The following NRXN1 variants were observed in gnomAD, a reference collection of about 807,000 sequenced individuals.
The protein encoded by NRXN1 is neurexin-1.
NRXN1 carries 39 observed loss-of-function variants against 150.9 expected under a neutral mutation model. The observed-to-expected ratio is 0.26, with a 90% CI of 0.20 to 0.34. The LOEUF is 0.34. NRXN1 is among the 10% of genes least tolerant of loss of function. NRXN1 has a pLI of 1.00. For missense variants in NRXN1, 1,815 were observed against 1,949.9 expected (o/e 0.93, Z 1.30); for synonymous variants, 924 against 757.0 (o/e 1.22, Z -3.62).
chr2:50,603,504 T>G (rs572401998), intron 8 of NRXN1, among the ~76,000 whole-genome samples: 213 of 152,286 alleles, frequency 1.4e-3, no homozygotes, highest in Admixed American at 2.6e-3. Flanking sequence ...CAACACACTT[T>G]TTTCTTAAAT....
At chr2:50,588,945 T>C (rs1673636792) in intron 8 of NRXN1, 1 of 152,140 alleles carries the variant, frequency 6.6e-6, no homozygotes, top group Non-Finnish European at 1.5e-5. Context: ...AGGAAACCAA[T>C]TGATTTCATA....
intron 8 of NRXN1, among the ~76,000 whole-genome samples, chr2:50,559,974 C>CA (rs749457858): frequency 1.2e-4 from 19 of 152,076 alleles, no homozygotes; most frequent in Non-Finnish European, 2.2e-4. Context: ...CTGTAGCCTC[C>CA]AAAAATTAGT....
chr2:50,762,411 G>T (rs1701902556), intron 5 of NRXN1, among the ~76,000 whole-genome samples: 1 of 151,772 alleles, frequency 6.6e-6, no homozygotes, highest in Admixed American at 6.6e-5. Flanking sequence ...TGATGCTGAG[G>T]TTTAGGGTAT....
chr2:50,414,203 C>T (rs2104136704), intron 17 of NRXN1, among the ~76,000 whole-genome samples: 1 of 152,108 alleles, frequency 6.6e-6, no homozygotes, highest in South Asian at 2.1e-4. Context: ...AAGAGTGTAA[C>T]TGGATTGTTT....
intron 18 of NRXN1, among the ~76,000 whole-genome samples, chr2:50,126,610 C>T (rs557078494): frequency 3.3e-5 from 5 of 152,148 alleles, no homozygotes; most frequent in African/African-American, 7.2e-5. Flanking sequence ...TCTAAGCCTA[C>T]GTCAGAAAAT....
chr2:50,606,585 A>G (rs1476267599), intron 8 of NRXN1, among the ~76,000 whole-genome samples: 2 of 146,818 alleles, frequency 1.4e-5, no homozygotes, highest in Non-Finnish European at 3.0e-5. Context: ...AAGTGGGTAG[A>G]TCCTATGTGA....
chr2:50,697,956 C>A (rs1177943010), intron 5 of NRXN1, among the ~76,000 whole-genome samples: 2 of 152,158 alleles, frequency 1.3e-5, no homozygotes, highest in Non-Finnish European at 2.9e-5. Context: ...TGCCTTGAGC[C>A]AATTTCGTTA....
intron 21 of NRXN1, among the ~76,000 whole-genome samples, chr2:49,953,455 T>A (rs1674338627): frequency 6.6e-6 from 1 of 152,132 alleles, no homozygotes; most frequent in Admixed American, 6.6e-5. Flanking sequence ...ACTTGACTAC[T>A]TCATTCCTTC....
intron 17 of NRXN1, among the ~76,000 whole-genome samples, chr2:50,265,017 T>A (rs758221497): frequency 4.5e-4 from 69 of 152,244 alleles, no homozygotes; most frequent in Non-Finnish European, 7.5e-4. Flanking sequence ...ATTAATTACA[T>A]GTAGAAAGGT....
At chr2:50,526,512 T>C (rs1026447522) in intron 12 of NRXN1, among the ~76,000 whole-genome samples, 3 of 152,150 alleles carry the variant, frequency 2.0e-5, no homozygotes, top group Admixed American at 6.6e-5. Context: ...TTAATTTAGT[T>C]TTTATTGAGT....
At chr2:50,538,679 C>G in intron 9 of NRXN1, 43 bp from the exon 10 acceptor site, 1 of 1,397,374 alleles carries the variant, frequency 7.2e-7, no homozygotes, top group Admixed American at 2.6e-5. Context: ...TAAAAAGCAC[C>G]AACGTGTTAT....
At chr2:50,944,560 T>C (rs1690015444) in intron 2 of NRXN1, among the ~76,000 whole-genome samples, 1 of 152,188 alleles carries the variant, frequency 6.6e-6, no homozygotes, top group African/African-American at 2.4e-5. Flanking sequence ...AAAAATAACT[T>C]AAATGAAACC....
intron 8 of NRXN1, among the ~76,000 whole-genome samples, chr2:50,614,636 T>TAAAAA (rs374009480): frequency 1.6e-5 from 2 of 122,392 alleles, no homozygotes; most frequent in Admixed American, 9.3e-5. Flanking sequence ...TAAAGTATAA[T>TAAAAA]AAAAATATAT....
chr2:49,959,308 T>C (rs1675505399), intron 21 of NRXN1, among the ~76,000 whole-genome samples: 1 of 152,186 alleles, frequency 6.6e-6, no homozygotes, highest in African/African-American at 2.4e-5. Context: ...CATTGACTGC[T>C]TTGCTACCTG....
At chr2:50,884,316 T>C (rs1335966660) in intron 5 of NRXN1, among the ~76,000 whole-genome samples, 1 of 151,776 alleles carries the variant, frequency 6.6e-6, no homozygotes, top group Admixed American at 6.6e-5. Context: ...CTACTTATCT[T>C]GTCAATTTAG....
chr2:50,010,865 CTAATTA>C (rs1685541625), intron 21 of NRXN1, among the ~76,000 whole-genome samples: 1 of 152,070 alleles, frequency 6.6e-6, no homozygotes, highest in South Asian at 2.1e-4. Flanking sequence ...GTTATCAATG[CTAATTA>C]TAAAGTTTTT....
chr2:50,899,059 G>T (rs541785432), intron 5 of NRXN1, among the ~76,000 whole-genome samples: 1 of 152,176 alleles, frequency 6.6e-6, no homozygotes, highest in South Asian at 2.1e-4. Flanking sequence ...TTTCCATGGA[G>T]CATTTGCCGA....
At chr2:50,877,178 CACAT>C (rs1404153241) in intron 5 of NRXN1, among the ~76,000 whole-genome samples, 3 of 151,122 alleles carry the variant, frequency 2.0e-5, no homozygotes, top group Non-Finnish European at 4.4e-5. Flanking sequence ...CCCCAACACA[CACAT>C]AGACACACAC....
At chr2:50,924,578 T>G (rs888353964) in intron 3 of NRXN1, among the ~76,000 whole-genome samples, 2 of 151,684 alleles carry the variant, frequency 1.3e-5, no homozygotes, top group Non-Finnish European at 3.0e-5. Flanking sequence ...ACAATATAAA[T>G]GAGACTGACT....
Sources: allele counts gnomAD v4.1 joint callset (sites outside exome capture counted in the v4.1 genomes callset), GRCh38; gene constraint gnomAD v4.1.1; transcripts MANE v1.5; gene names NCBI Gene and HGNC (gene_info 2026-07-23, HGNC 2026-07-21).